Variants in KSR2 observed in about 807,000 individuals in gnomAD.
KSR2 encodes the protein kinase suppressor of ras 2.
Under a neutral mutation model 107.8 loss-of-function variants are expected in KSR2, and 25 were observed. That is an observed-to-expected ratio of 0.23 (90% CI 0.17 to 0.32). KSR2 has a LOEUF of 0.32. Ranked by LOEUF, KSR2 falls within the 10% of genes least tolerant of loss-of-function variation. The probability of loss-of-function intolerance (pLI) is 1.00; values close to 1 mark genes in which losing one functional copy is unlikely to be tolerated. For synonymous variants in KSR2, 480 were observed against 507.0 expected (o/e 0.95, Z 0.71); for missense variants, 887 against 1,268.9 (o/e 0.70, Z 4.57).
intron 4 of KSR2, among the ~76,000 whole-genome samples, chr12:117,715,910 T>C (rs1886960227): frequency 6.6e-6 from 1 of 152,256 alleles, no homozygotes; most frequent in Admixed American, 6.5e-5. Flanking sequence ...TCCTAGAACA[T>C]GCAAATGCTT....
chr12:117,512,298 T>C (rs1401824706), intron 14 of KSR2, among the ~76,000 whole-genome samples: 1 of 152,196 alleles, frequency 6.6e-6, no homozygotes, highest in African/African-American at 2.4e-5. Flanking sequence ...CAAGCTTCCA[T>C]GACAATACCC....
intron 4 of KSR2, among the ~76,000 whole-genome samples, chr12:117,671,376 C>T (rs1271292198): frequency 6.6e-6 from 1 of 152,188 alleles, no homozygotes; most frequent in Non-Finnish European, 1.5e-5. Context: ...GGCAGAGAGA[C>T]AGACAGATTG....
intron 3 of KSR2, among the ~76,000 whole-genome samples, chr12:117,788,155 A>T (rs1040391093): frequency 1.3e-5 from 2 of 152,200 alleles, no homozygotes; most frequent in Non-Finnish European, 2.9e-5. Context: ...GAGGAAATTA[A>T]AGGAAAACAG....
Position 117,461,391 on chromosome 12 carries a change from C to T in KSR2, c.*5808G>A, listed in dbSNP as rs1011688047. ...CCCTGCCAATGGTGCCCTTCTAACT[C>T]CCTGTGCCAGGGTCTTACTCTTACC... On this transcript the variant is annotated 3_prime_UTR_variant, in exon 20 of 20. Coordinates refer to ENST00000339824, the MANE Select transcript of KSR2 (RefSeq NM_173598.6). 1 of 152,268 alleles carries T rather than the reference C, an allele frequency of 6.6e-6. No individual in the cohort carries two copies. The highest frequency in any genetic ancestry group is 6.5e-5 in the Admixed American group (1 of 15,292). The allele number at this position is 152,268 out of a possible 1,614,324, so 9.4% of individuals were successfully genotyped here. A position where few individuals can be genotyped will look rare whatever the true frequency, so the allele number is the denominator to read the frequency against.
intron 7 of KSR2, among the ~76,000 whole-genome samples, chr12:117,560,618 T>A (rs1878045805): frequency 1.3e-5 from 2 of 152,238 alleles, no homozygotes; most frequent in African/African-American, 4.8e-5. Context: ...ATTTATTTTT[T>A]CCAGGTTGCC....
intron 5 of KSR2, among the ~76,000 whole-genome samples, chr12:117,641,241 C>T (rs570051594): frequency 1.3e-4 from 20 of 152,288 alleles, no homozygotes; most frequent in South Asian, 2.1e-4. Flanking sequence ...GGATTACAGG[C>T]GTGTGCCACC....
intron 1 of KSR2, among the ~76,000 whole-genome samples, chr12:117,928,453 G>A (rs994064769): frequency 2.0e-5 from 3 of 152,146 alleles, no homozygotes; most frequent in Non-Finnish European, 4.4e-5. Flanking sequence ...CAAAGTGCTG[G>A]GATTACAGGC....
chr12:117,557,866 A>G (rs1033486176), intron 8 of KSR2, among the ~76,000 whole-genome samples: 3 of 152,142 alleles, frequency 2.0e-5, no homozygotes, highest in African/African-American at 4.8e-5. Context: ...TGCACTACAA[A>G]AGTTCCCAAG....
chr12:117,796,771 A>G (rs1004021652), intron 3 of KSR2, among the ~76,000 whole-genome samples: 2 of 152,124 alleles, frequency 1.3e-5, no homozygotes, highest in Non-Finnish European at 2.9e-5. Flanking sequence ...AACAAGAGAC[A>G]CTATGGCTCA....
chr12:117,894,938 G>A (rs1894464680), intron 1 of KSR2, among the ~76,000 whole-genome samples: 2 of 151,962 alleles, frequency 1.3e-5, no homozygotes, highest in Non-Finnish European at 2.9e-5. Context: ...GTGTGAGAAT[G>A]GACTAATATC....
At chr12:117,871,151 A>G (rs1238928953) in intron 1 of KSR2, among the ~76,000 whole-genome samples, 2 of 152,222 alleles carry the variant, frequency 1.3e-5, no homozygotes, top group Admixed American at 6.5e-5. Context: ...GGAATGTGAT[A>G]TGGGTCCAAT....
chr12:117,917,616 G>C (rs546915388), intron 1 of KSR2, among the ~76,000 whole-genome samples: 3 of 152,284 alleles, frequency 2.0e-5, no homozygotes, highest in East Asian at 3.9e-4. Flanking sequence ...AAACACCAGG[G>C]CATGGGGGGT....
chr12:117,537,333 T>C (rs1293123409), intron 10 of KSR2, among the ~76,000 whole-genome samples: 3 of 152,196 alleles, frequency 2.0e-5, no homozygotes, highest in Non-Finnish European at 2.9e-5. Context: ...CATTCTACAA[T>C]TCTGTCTAGG....
chr12:117,859,646 G>A (rs1893221770), intron 2 of KSR2, among the ~76,000 whole-genome samples: 1 of 151,334 alleles, frequency 6.6e-6, no homozygotes, highest in African/African-American at 2.4e-5. Flanking sequence ...TTGTAGAGAT[G>A]GAGTTTCGCC....
chr12:117,644,892 G>A (rs115782787), intron 5 of KSR2, among the ~76,000 whole-genome samples: 7,113 of 152,192 alleles, frequency 0.047, 251 homozygotes, highest in Admixed American at 0.11. Context: ...TTGCTCTCGC[G>A]TGCTCAGCAT....
chr12:117,846,832 G>A (rs1459446711), intron 3 of KSR2, among the ~76,000 whole-genome samples: 1 of 152,174 alleles, frequency 6.6e-6, no homozygotes, highest in African/African-American at 2.4e-5. Context: ...TCTGGTGACC[G>A]CTGTACTGAA....
chr12:117,913,869 C>G (rs972806036), intron 1 of KSR2, among the ~76,000 whole-genome samples: 22 of 152,164 alleles, frequency 1.4e-4, no homozygotes, highest in African/African-American at 5.1e-4. Flanking sequence ...GTCTCGGGAC[C>G]CGCCGGATGA....
rs2137084393 is a variant in KSR2, at chr12:117,454,810, C to T, written c.*12389G>A. Reference sequence around the variant, plus strand: ...GTATGGCAAGACAGAACTGGGGGCCCCAGAGACATCAGAGACACAGGTCGC... The same window carrying T: ...GTATGGCAAGACAGAACTGGGGGCCTCAGAGACATCAGAGACACAGGTCGC... On this transcript the variant is annotated 3_prime_UTR_variant, in exon 20 of 20. Coordinates refer to ENST00000339824, the MANE Select transcript of KSR2 (RefSeq NM_173598.6). 1 of 152,122 alleles carries T rather than the reference C, an allele frequency of 6.6e-6. No individual in the cohort carries two copies. Among genetic ancestry groups the T allele is most frequent in the South Asian group, 2.1e-4 (1 of 4,804 alleles). The allele number at this position is 152,122 out of a possible 1,614,324, so 9.4% of individuals were successfully genotyped here.
chr12:117,501,729 C>T (rs1873387943), intron 14 of KSR2, among the ~76,000 whole-genome samples: 2 of 152,216 alleles, frequency 1.3e-5, no homozygotes, highest in Non-Finnish European at 2.9e-5. Context: ...ATCTGCAAGC[C>T]TGTGTTACGC....
Sources: allele counts gnomAD v4.1 joint callset (sites outside exome capture counted in the v4.1 genomes callset), GRCh38; gene constraint gnomAD v4.1.1; transcripts MANE v1.5; gene names NCBI Gene and HGNC (gene_info 2026-07-23, HGNC 2026-07-21).